Variants in KLF12 observed in about 807,000 individuals in gnomAD.
KLF12 encodes KLF transcription factor 12, also known as Krueppel-like factor 12.
Under a neutral mutation model 37.8 loss-of-function variants are expected in KLF12, and 9 were observed. That is an observed-to-expected ratio of 0.24 (90% CI 0.14 to 0.42). The LOEUF is 0.42. Among genes scored for constraint, KLF12 ranks in the 10% least tolerant of loss-of-function variants. The pLI, the probability that KLF12 is intolerant of heterozygous loss-of-function variation, is 1.00. For missense variants in KLF12, 411 were observed against 516.0 expected, an observed-to-expected ratio of 0.80 and a Z score of 1.97; for synonymous variants, 208 against 202.1, an observed-to-expected ratio of 1.03 and a Z score of -0.25.
intron 4 of KLF12, among the ~76,000 whole-genome samples, chr13:73,825,525 C>A (rs1883788668): frequency 6.6e-6 from 1 of 152,146 alleles, no homozygotes; most frequent in African/African-American, 2.4e-5. Flanking sequence ...CTTTAGAAAG[C>A]CCATTTTGGT....
intron 5 of KLF12, among the ~76,000 whole-genome samples, chr13:73,784,529 G>A (rs577365595): frequency 1.3e-4 from 20 of 151,338 alleles, no homozygotes; most frequent in Non-Finnish European, 2.2e-4. Context: ...CCCCCACTCC[G>A]CACACAACAG....
the KLF12 span, among the ~76,000 whole-genome samples, chr13:74,223,952 G>T: frequency 1.3e-5 from 2 of 152,016 alleles, no homozygotes; most frequent in East Asian, 3.9e-4. Flanking sequence ...TGTTTCTTAG[G>T]CCAATCCATT....
chr13:74,232,357 C>T, the KLF12 span, among the ~76,000 whole-genome samples: 31,888 of 152,062 alleles, frequency 0.21, 5,459 homozygotes, highest in African/African-American at 0.47. Context: ...TTTCATGATC[C>T]TTTGCGGCTG....
chr13:73,935,329 T>C (rs1366695999), intron 3 of KLF12, among the ~76,000 whole-genome samples: 1 of 152,106 alleles, frequency 6.6e-6, no homozygotes, highest in Non-Finnish European at 1.5e-5. Flanking sequence ...CAGACATTGA[T>C]CTTTTCTTCT....
chr13:73,706,263 G>C (rs1874941450), intron 7 of KLF12, among the ~76,000 whole-genome samples: 1 of 152,018 alleles, frequency 6.6e-6, no homozygotes, highest in Non-Finnish European at 1.5e-5. Context: ...AACTCATTTA[G>C]TTATTTATTT....
intron 3 of KLF12, among the ~76,000 whole-genome samples, chr13:73,881,610 C>A (rs1013967096): frequency 6.6e-6 from 1 of 152,036 alleles, no homozygotes; most frequent in Non-Finnish European, 1.5e-5. Flanking sequence ...AATGCTTTCA[C>A]TCTCATTTTG....
the KLF12 span, among the ~76,000 whole-genome samples, chr13:74,152,094 T>C: frequency 1.1e-4 from 17 of 152,116 alleles, no homozygotes; most frequent in Admixed American, 4.6e-4. Flanking sequence ...CTCTGGATGG[T>C]ACAGTCCTTT....
At chr13:74,272,177 AT>A in the KLF12 span, among the ~76,000 whole-genome samples, 1 of 152,166 alleles carries the variant, frequency 6.6e-6, no homozygotes, top group Non-Finnish European at 1.5e-5. Flanking sequence ...TGTCAAATAA[AT>A]TGCTCTCTAG....
chr13:74,162,856 T>C, the KLF12 span, among the ~76,000 whole-genome samples: 1 of 151,976 alleles, frequency 6.6e-6, no homozygotes, highest in South Asian at 2.1e-4. Context: ...TTTAAAAGTG[T>C]ATGCAAGAAA....
At chr13:73,936,183 C>T (rs1405381239) in intron 3 of KLF12, among the ~76,000 whole-genome samples, 1 of 152,150 alleles carries the variant, frequency 6.6e-6, no homozygotes, top group Non-Finnish European at 1.5e-5. Flanking sequence ...GGATGCCAGA[C>T]ATTGTGATTT....
chr13:73,744,372 T>C (rs1020948788), intron 6 of KLF12, among the ~76,000 whole-genome samples: 1 of 152,156 alleles, frequency 6.6e-6, no homozygotes, highest in African/African-American at 2.4e-5. Context: ...AAGGGTTGGT[T>C]GTGAATTTCT....
At chr13:74,000,550 AC>A (rs1203033250) in intron 1 of KLF12, among the ~76,000 whole-genome samples, 1 of 152,162 alleles carries the variant, frequency 6.6e-6, no homozygotes, top group Non-Finnish European at 1.5e-5. Flanking sequence ...TTACGCTTCC[AC>A]CCAAGGATTC....
the KLF12 span, among the ~76,000 whole-genome samples, chr13:74,240,150 G>A: frequency 2.6e-5 from 4 of 152,104 alleles, no homozygotes; most frequent in African/African-American, 9.6e-5. Flanking sequence ...TGGTGACAAA[G>A]TCTCTCAGCA....
At chr13:74,052,410 T>C (rs1217402374) in intron 1 of KLF12, among the ~76,000 whole-genome samples, 1 of 152,226 alleles carries the variant, frequency 6.6e-6, no homozygotes, top group Non-Finnish European at 1.5e-5. Context: ...CTCTTTTTTT[T>C]AAGTTTTCTA....
intron 3 of KLF12, among the ~76,000 whole-genome samples, chr13:73,916,332 A>T (rs1888846753): frequency 6.6e-6 from 1 of 151,940 alleles, no homozygotes; most frequent in African/African-American, 2.4e-5. Context: ...TAGAAATAAC[A>T]ATTAATTAAA....
chr13:73,967,491 C>T (rs1891203428), intron 2 of KLF12, among the ~76,000 whole-genome samples: 1 of 152,176 alleles, frequency 6.6e-6, no homozygotes, highest in Non-Finnish European at 1.5e-5. Context: ...CATCCTTCCG[C>T]CAAGGAGGAG....
At chr13:74,027,638 A>C (rs1471598331) in intron 1 of KLF12, among the ~76,000 whole-genome samples, 1 of 152,190 alleles carries the variant, frequency 6.6e-6, no homozygotes, top group Non-Finnish European at 1.5e-5. Flanking sequence ...CTAATTCTAC[A>C]TGTAGTGACT....
chr13:73,740,958 T>C (rs917099121), intron 6 of KLF12, among the ~76,000 whole-genome samples: 1 of 152,052 alleles, frequency 6.6e-6, no homozygotes, highest in African/African-American at 2.4e-5. Context: ...CTGAAGACAG[T>C]CCTAAAAATT....
At chr13:74,072,624 A>G (rs1414481778) in intron 1 of KLF12, among the ~76,000 whole-genome samples, 1 of 150,848 alleles carries the variant, frequency 6.6e-6, no homozygotes, top group Non-Finnish European at 1.5e-5. Flanking sequence ...GGTCCCAGCT[A>G]CCTGGGAGGC....
Sources: allele counts gnomAD v4.1 joint callset (sites outside exome capture counted in the v4.1 genomes callset), GRCh38; gene constraint gnomAD v4.1.1; transcripts MANE v1.5; gene names NCBI Gene and HGNC (gene_info 2026-07-23, HGNC 2026-07-21).